The following HPSE2 variants were observed in gnomAD, a reference collection of about 807,000 sequenced individuals.
The protein encoded by HPSE2 is inactive heparanase-2.
In HPSE2, 38 loss-of-function variants were observed where a neutral mutation model predicts 60.5. The ratio of observed to expected loss-of-function variants is 0.63; its 90% CI spans 0.48 to 0.82. The LOEUF is 0.82. Ranked by LOEUF, HPSE2 falls within the 40% of genes least tolerant of loss-of-function variation. HPSE2 has a pLI of 0.00. For missense variants in HPSE2, 713 were observed against 740.4 expected (o/e 0.96, Z 0.43); for synonymous variants, 295 against 293.2 (o/e 1.01, Z -0.06).
At chr10:99,064,731 C>CAA (rs199819713) in intron 3 of HPSE2, among the ~76,000 whole-genome samples, 22 of 142,278 alleles carry the variant, frequency 1.5e-4, no homozygotes, top group South Asian at 4.5e-4. Flanking sequence ...CCTTATCAAC[C>CAA]AAAAAAAAAA....
At chr10:98,936,515 T>G (rs1954794974) in intron 3 of HPSE2, among the ~76,000 whole-genome samples, 1 of 143,236 alleles carries the variant, frequency 7.0e-6, no homozygotes, top group Admixed American at 6.9e-5. Flanking sequence ...AGTCCCTCAC[T>G]GCTACCTTGA....
intron 2 of HPSE2, among the ~76,000 whole-genome samples, chr10:99,187,566 T>A (rs577777560): frequency 2.1e-4 from 32 of 152,246 alleles, no homozygotes; most frequent in Admixed American, 6.5e-4. Context: ...CAACTCAATT[T>A]AAAGATAAAG....
At chr10:98,474,596 C>A (rs1318227170) in intron 11 of HPSE2, among the ~76,000 whole-genome samples, 1 of 151,312 alleles carries the variant, frequency 6.6e-6, no homozygotes, top group Non-Finnish European at 1.5e-5. Context: ...GAAATGAAAG[C>A]AAAAGTTATA....
At chr10:99,224,143 C>T (rs1315718569) in intron 2 of HPSE2, among the ~76,000 whole-genome samples, 1 of 151,908 alleles carries the variant, frequency 6.6e-6, no homozygotes, top group Admixed American at 6.6e-5. Flanking sequence ...AACTGATAAT[C>T]AAAAAACATT....
At chr10:99,046,168 T>C (rs2135487036) in intron 3 of HPSE2, among the ~76,000 whole-genome samples, 1 of 152,312 alleles carries the variant, frequency 6.6e-6, no homozygotes, top group East Asian at 1.9e-4. Context: ...GATGCAAGGC[T>C]GGTTCAACAT....
At chr10:98,804,901 A>T (rs1440706884) in intron 3 of HPSE2, among the ~76,000 whole-genome samples, 1 of 152,184 alleles carries the variant, frequency 6.6e-6, no homozygotes, top group Non-Finnish European at 1.5e-5. Flanking sequence ...TAACATATAA[A>T]TAAATAAATA....
intron 9 of HPSE2, among the ~76,000 whole-genome samples, chr10:98,510,334 C>A (rs1352216012): frequency 6.6e-6 from 1 of 152,176 alleles, no homozygotes; most frequent in Non-Finnish European, 1.5e-5. Flanking sequence ...CTTATGCCCA[C>A]CTAGAGCTAG....
At chr10:98,952,001 C>T (rs1955369693) in intron 3 of HPSE2, among the ~76,000 whole-genome samples, 1 of 152,282 alleles carries the variant, frequency 6.6e-6, no homozygotes, top group African/African-American at 2.4e-5. Flanking sequence ...AAGATTCAAG[C>T]CCAGGTAGCT....
chr10:98,978,394 T>A (rs1396614212), intron 3 of HPSE2, among the ~76,000 whole-genome samples: 2 of 152,192 alleles, frequency 1.3e-5, no homozygotes, highest in Admixed American at 1.3e-4. Context: ...GCTATTCCTA[T>A]TATCAATTTA....
intron 9 of HPSE2, among the ~76,000 whole-genome samples, chr10:98,524,700 G>T (rs902439201): frequency 2.0e-5 from 3 of 152,154 alleles, no homozygotes; most frequent in African/African-American, 7.2e-5. Context: ...GATAAGAAGG[G>T]TTGAGTTAGT....
In HPSE2 at chr10:98,555,103, A is replaced by T. The variant is rs544899680; in HGVS notation, c.1320+59801T>A. Among the ~76,000 whole-genome samples the T allele has an allele frequency of 2.6e-5, 4 of 152,330 alleles. No homozygotes were observed. In the East Asian group the frequency reaches 7.7e-4, roughly 29 times the overall value. On this transcript the variant is annotated intron_variant, in intron 9 of 11. Transcript: ENST00000370552. ...CTATGCCACTAATGGCACATAGTCCATGCTTTAGGAGGTACTGGTTTAGAC... is the reference window on the plus strand; with the variant it reads ...CTATGCCACTAATGGCACATAGTCCTTGCTTTAGGAGGTACTGGTTTAGAC...
chr10:99,009,084 G>C (rs984381257), intron 3 of HPSE2, among the ~76,000 whole-genome samples: 7 of 151,812 alleles, frequency 4.6e-5, no homozygotes, highest in Admixed American at 3.3e-4. Context: ...CAGTGCAAAA[G>C]CTTTTAGAAA....
chr10:99,232,357 A>G lies in HPSE2; in HGVS notation c.439T>C (p.Tyr147His). 6.4e-7 allele frequency: 1 copy of G among 1,551,508 alleles called. No individual in the cohort carries two copies. Among genetic ancestry groups the G allele is most frequent in the Non-Finnish European group, 8.7e-7 (1 of 1,146,942 alleles). Residue 147 changes from tyrosine to histidine, a missense_variant, in exon 2 of 12, where the codon TAT becomes CAT. Tyr to His is a moderately conservative substitution (Grantham distance 83, BLOSUM62 2). Coordinates refer to ENST00000370552, the MANE Select transcript of HPSE2 (RefSeq NM_021828.5). ...GPGPDYYLKN[Y>H]EDDIVRSDVA... ...TAATCAAGTTTCTCACCATCCTCAT[A>G]GTTTTTGAGATAGTAATCCGGGCCC...
At chr10:99,141,461 T>G (rs1478236806) in intron 3 of HPSE2, among the ~76,000 whole-genome samples, 1 of 152,158 alleles carries the variant, frequency 6.6e-6, no homozygotes, top group Non-Finnish European at 1.5e-5. Flanking sequence ...ATGAAAACAT[T>G]AAGACAAGTT....
chr10:99,294,279 C>A, the HPSE2 span, among the ~76,000 whole-genome samples: 1 of 149,254 alleles, frequency 6.7e-6, no homozygotes, highest in African/African-American at 2.5e-5. Context: ...TATATGTACA[C>A]ATATATATAT....
intron 3 of HPSE2, among the ~76,000 whole-genome samples, chr10:98,800,416 AAATAT>A (rs1950878869): frequency 6.8e-6 from 1 of 147,846 alleles, no homozygotes; most frequent in African/African-American, 2.4e-5. Context: ...ATATCTATAT[AAATAT>A]AATATACATA....
At chr10:99,264,516 T>TATTTTA in the HPSE2 span, among the ~76,000 whole-genome samples, 1 of 152,170 alleles carries the variant, frequency 6.6e-6, no homozygotes, top group African/African-American at 2.4e-5. Flanking sequence ...TTTAAATGAA[T>TATTTTA]AGTGTTGTTT....
intron 9 of HPSE2, among the ~76,000 whole-genome samples, chr10:98,583,121 G>A (rs916278845): frequency 7.2e-5 from 11 of 152,188 alleles, no homozygotes; most frequent in Non-Finnish European, 4.4e-5. Flanking sequence ...TATTGAGGCA[G>A]GAGAATAGGG....
At chr10:99,306,693 C>T in the HPSE2 span, among the ~76,000 whole-genome samples, 1 of 152,016 alleles carries the variant, frequency 6.6e-6, no homozygotes, top group Non-Finnish European at 1.5e-5. Context: ...GATCTTTCTT[C>T]ACTTGTTTTT....
Sources: gnomAD v4.1 joint callset for allele counts (sites outside exome capture counted in the v4.1 genomes callset) on GRCh38, gnomAD v4.1.1 for gene constraint, MANE v1.5 for transcripts, NCBI Gene and HGNC (gene_info 2026-07-23, HGNC 2026-07-21) for gene names.